NPRL3: variants seen among roughly 807,000 people sequenced by gnomAD.
The protein encoded by NPRL3 is GATOR1 complex protein NPRL3.
Under a neutral mutation model 57.2 loss-of-function variants are expected in NPRL3, and 23 were observed. The observed-to-expected ratio is 0.40, with a 90% confidence interval of 0.29 to 0.57. NPRL3 has a LOEUF of 0.57. Among genes scored for constraint, NPRL3 ranks in the 20% least tolerant of loss-of-function variants. The pLI is 0.42. For missense variants in NPRL3, 691 were observed against 767.1 expected (o/e 0.90, Z 1.17); for synonymous variants, 333 against 321.1 (o/e 1.04, Z -0.39).
chr16:88,765 G>T lies in NPRL3; in HGVS notation c.1477C>A (p.His493Asn). 1 of 1,613,788 alleles carries T rather than the reference G, an allele frequency of 6.2e-7. No individual in the cohort carries two copies. The highest frequency in any genetic ancestry group is 8.5e-7 in the Non-Finnish European group (1 of 1,179,814). The change falls in exon 13 of 14, where the codon CAT (histidine) becomes AAT (asparagine). Residue 493 changes from histidine (H) to asparagine (N), a missense_variant. Coordinates refer to ENST00000611875, the MANE Select transcript of NPRL3 (RefSeq NM_001077350.3). ...TENLLASLSE[H>N]ERAAILSVPA... ...ACACTGAGGATGGCTGCGCGTTCAT[G>T]CTCCGACAGGCTGGCCAGCAGGTTC...
chr16:109,297 C>T (rs1191409043), intron 7 of NPRL3, among the ~76,000 whole-genome samples: 15 of 152,140 alleles, frequency 9.9e-5, no homozygotes, highest in Non-Finnish European at 2.1e-4. Context: ...AGGTGATGCT[C>T]AGCCAATACA....
chr16:102,645 A>C (rs980235982), intron 7 of NPRL3, among the ~76,000 whole-genome samples: 1 of 152,158 alleles, frequency 6.6e-6, no homozygotes, highest in Non-Finnish European at 1.5e-5. Flanking sequence ...CTCAGCTCCC[A>C]GTTGGCGGGA....
At chr16:97,349 A>C (rs1487089570) in intron 9 of NPRL3, among the ~76,000 whole-genome samples, 1 of 146,600 alleles carries the variant, frequency 6.8e-6, no homozygotes, top group Non-Finnish European at 1.5e-5. Context: ...GGCTCAATTG[A>C]TCCTCACACC....
At chr16:96,005 C>G (rs968457951) in intron 9 of NPRL3, among the ~76,000 whole-genome samples, 7 of 152,180 alleles carry the variant, frequency 4.6e-5, no homozygotes, top group African/African-American at 1.7e-4. Context: ...GCAGCAACGC[C>G]CTGCTGACCT....
intron 3 of NPRL3, among the ~76,000 whole-genome samples, chr16:128,159 T>G (rs113687492): frequency 6.6e-6 from 1 of 152,032 alleles, no homozygotes; most frequent in Admixed American, 6.6e-5. Context: ...GCCCGACAAA[T>G]TTTTGTATTT....
intron 3 of NPRL3, chr16:125,743 G>A (rs1900488723): frequency 6.6e-6 from 1 of 152,254 alleles, no homozygotes; most frequent in African/African-American, 2.4e-5. Context: ...GCTGGGCAGA[G>A]GGAAGTGCCC....
At chr16:106,088 A>T (rs1899515235) in intron 7 of NPRL3, among the ~76,000 whole-genome samples, 1 of 152,148 alleles carries the variant, frequency 6.6e-6, no homozygotes, top group Non-Finnish European at 1.5e-5. Context: ...AGGTTGGCAG[A>T]TCACGAGGTC....
In NPRL3 at chr16:112,506, G is replaced by GC. The variant is rs1596522135; in HGVS notation, c.547+115dup. The GC allele has an allele frequency of 1.3e-5, 14 of 1,059,110 alleles. No individual in the cohort carries two copies. The East Asian group carries it at 3.1e-4, about 24-fold the overall frequency. The allele number at this position is 1,059,110 out of a possible 1,614,324, so 65.6% of individuals were successfully genotyped here. On this transcript the variant is annotated intron_variant, in intron 6 of 13. Transcript: ENST00000611875. The stretch of plus-strand genomic sequence containing the variant: ...CTCTGCTGGTGTTGGGGTGGGTGAG[G>GC]CCCCGCCAACATCTGTATCATTAAC...
intron 2 of NPRL3, 21 bp from the exon 3 acceptor site, chr16:130,612 G>A (rs368661105): frequency 1.3e-6 from 2 of 1,551,796 alleles, no homozygotes; most frequent in Non-Finnish European, 8.7e-7. Flanking sequence ...GCGAAAAGAG[G>A]GGAAGGGCTA....
intron 3 of NPRL3, 92 bp from the exon 4 acceptor site, chr16:119,347 A>G (rs1900189047): frequency 7.7e-7 from 1 of 1,292,384 alleles, no homozygotes; most frequent in African/African-American, 1.5e-5. Flanking sequence ...GTCTCAGTAA[A>G]CTGCACCTTC....
At chr16:94,735 C>A (rs989147639) in intron 9 of NPRL3, among the ~76,000 whole-genome samples, 1 of 152,168 alleles carries the variant, frequency 6.6e-6, no homozygotes, top group Non-Finnish European at 1.5e-5. Flanking sequence ...ATGGCTCCGC[C>A]AACCCCGACA....
At chr16:134,706 T>TTA (rs1900980441) in intron 2 of NPRL3, among the ~76,000 whole-genome samples, 1 of 136,162 alleles carries the variant, frequency 7.3e-6, no homozygotes, top group African/African-American at 2.8e-5. Flanking sequence ...TTTTTTTTTT[T>TTA]TTTTTTTTTT....
chr16:108,765 G>A (rs1200518836), intron 7 of NPRL3, among the ~76,000 whole-genome samples: 1 of 151,876 alleles, frequency 6.6e-6, no homozygotes, highest in African/African-American at 2.4e-5. Flanking sequence ...CTGCCTCCTA[G>A]ATTTAAGTGA....
intron 3 of NPRL3, chr16:123,588 C>CACTTTTTTAAAA: frequency 2.1e-6 from 1 of 466,732 alleles, no homozygotes; most frequent in Non-Finnish European, 4.4e-6. Flanking sequence ...AAAAACATAT[C>CACTTTTTTAAAA]ACTTTTTTAA....
intron 2 of NPRL3, among the ~76,000 whole-genome samples, chr16:137,754 G>A (rs971226200): frequency 1.3e-5 from 2 of 151,432 alleles, no homozygotes; most frequent in African/African-American, 2.4e-5. Flanking sequence ...AGTAGAGACA[G>A]AGTTTCAACC....
chr16:112,974 T>G (rs1374866401), intron 5 of NPRL3, among the ~76,000 whole-genome samples, 199 bp from the exon 6 acceptor site: 3 of 152,194 alleles, frequency 2.0e-5, no homozygotes, highest in Admixed American at 2.0e-4. Context: ...TCCATAGACA[T>G]GTGGGCTGTC....
At chr16:112,559 C>A in intron 6 of NPRL3, 63 bp downstream of exon 6, 1 of 1,392,750 alleles carries the variant, frequency 7.2e-7, no homozygotes. Context: ...CCACAGAGGT[C>A]TGCGCTGCAG....
chr16:102,462 C>A (rs913175805), intron 7 of NPRL3, among the ~76,000 whole-genome samples: 6 of 152,210 alleles, frequency 3.9e-5, no homozygotes, highest in African/African-American at 1.4e-4. Flanking sequence ...GCCTGTGAAG[C>A]CTCACAATGA....
At position 98,271 on chromosome 16, in the gene NPRL3, A is replaced by G; in HGVS notation, c.798T>C (p.Asp266=). 6.2e-7 allele frequency: 1 copy of G among 1,612,508 alleles called. No individual in the cohort carries two copies. The highest frequency in any genetic ancestry group is 2.2e-5 in the East Asian group (1 of 44,884). The change falls in exon 9 of 14, where the codon GAT becomes GAC. Residue 266 remains aspartate, a synonymous_variant. Transcript: ENST00000611875. Reference sequence around the variant, plus strand: ...GAAGCTCACCCAGCAAGGACTTCTCATCACTGAGCAGCAGCAGGGCATGGT... The same window carrying G: ...GAAGCTCACCCAGCAAGGACTTCTCGTCACTGAGCAGCAGCAGGGCATGGT... ...RPYHALLLLS[D]EKSLLGELPI...
Sources: gnomAD v4.1 joint callset for allele counts (sites outside exome capture counted in the v4.1 genomes callset) on GRCh38, gnomAD v4.1.1 for gene constraint, MANE v1.5 for transcripts, NCBI Gene and HGNC (gene_info 2026-07-23, HGNC 2026-07-21) for gene names.